The following VSIG10 variants were observed in gnomAD, a reference collection of about 807,000 sequenced individuals.
The protein encoded by VSIG10 is V-set and immunoglobulin domain containing 10.
In VSIG10, 48 loss-of-function variants were observed where a neutral mutation model predicts 58.7. That is an observed-to-expected ratio of 0.82 (90% CI 0.65 to 1.04). VSIG10 has a LOEUF of 1.04. VSIG10 is among the 50% of genes least tolerant of loss of function. The probability of loss-of-function intolerance (pLI) is 0.00; values close to 1 mark genes in which losing one functional copy is unlikely to be tolerated. For missense variants in VSIG10, 628 were observed against 670.0 expected (o/e 0.94, Z 0.69); for synonymous variants, 260 against 267.1 (o/e 0.97, Z 0.26).
intron 2 of VSIG10, among the ~76,000 whole-genome samples, chr12:118,091,006 A>C (rs1031596558): frequency 6.6e-6 from 1 of 152,056 alleles, no homozygotes; most frequent in Admixed American, 6.6e-5. Context: ...TTGGTGGCAC[A>C]CATCTGTAAT....
chr12:118,079,419 A>T lies in VSIG10; in HGVS notation c.852T>A (p.Asp284Glu), dbSNP rs368571027. 101 of 1,613,856 alleles carry T rather than the reference A, an allele frequency of 6.3e-5. No homozygotes were observed. Among genetic ancestry groups the T allele is most frequent in the Non-Finnish European group, 8.2e-5 (97 of 1,179,878 alleles). ...TTGTAACACACTTGAACTTCTTGCC[A>T]TCCGACAGCTGGGACTCGCTCAGCA... is the stretch of plus-strand genomic sequence containing the variant. The part of the protein sequence containing the change: ...VEMLSESQLS[D>E]GKKFKCVTSH... Residue 284 changes from aspartate (D) to glutamate (E), a missense_variant, in exon 4 of 9, where the codon GAT becomes GAA. Physicochemically the swap from Asp to Glu is conservative, Grantham distance 45 (BLOSUM62 2). Coordinates refer to ENST00000359236, the MANE Select transcript of VSIG10 (RefSeq NM_019086.6).
At chr12:118,081,074 C>T (rs1044552634) in intron 3 of VSIG10, among the ~76,000 whole-genome samples, 3 of 151,838 alleles carry the variant, frequency 2.0e-5, no homozygotes, top group African/African-American at 7.3e-5. Context: ...GACCCTGTCT[C>T]TACTAAAAAT....
intron 1 of VSIG10, among the ~76,000 whole-genome samples, chr12:118,096,720 CAT>C (rs2033471194): frequency 6.6e-6 from 1 of 151,162 alleles, no homozygotes; most frequent in African/African-American, 2.4e-5. Context: ...CGTGCCTGAC[CAT>C]ATGTGTTCTT....
At chr12:118,101,919 G>A (rs2137967933) in intron 1 of VSIG10, 1 of 152,306 alleles carries the variant, frequency 6.6e-6, no homozygotes, top group African/African-American at 2.4e-5. Context: ...GGATCGCTTG[G>A]GTCCAGGAGT....
intron 2 of VSIG10, among the ~76,000 whole-genome samples, chr12:118,087,362 G>A (rs2033157252): frequency 6.6e-6 from 1 of 151,922 alleles, no homozygotes; most frequent in African/African-American, 2.4e-5. Context: ...GACAAGCAGA[G>A]GACCAAGGGG....
chr12:118,100,025 A>C (rs528246492), intron 1 of VSIG10, among the ~76,000 whole-genome samples: 2 of 152,362 alleles, frequency 1.3e-5, no homozygotes, highest in African/African-American at 4.8e-5. Flanking sequence ...AATGCCATCT[A>C]ATGACAGAGA....
intron 1 of VSIG10, among the ~76,000 whole-genome samples, chr12:118,101,256 C>T (rs935650419): frequency 2.0e-5 from 3 of 152,114 alleles, no homozygotes; most frequent in East Asian, 1.9e-4. Context: ...ACACAGTCAT[C>T]GATTTAGTGA....
chr12:118,095,588 G>A lies in VSIG10; in HGVS notation c.306C>T (p.Thr102=). 1 of 1,613,944 alleles carries A rather than the reference G, an allele frequency of 6.2e-7. No individual in the cohort carries two copies. The highest frequency in any genetic ancestry group is 1.1e-5 in the South Asian group (1 of 91,086). Reference sequence around the variant, plus strand: ...GAGTCACATTCAGGATCTCCTGGCAGGTGTAGATTCCCTCATCTCCCAGGC... The same window carrying A: ...GAGTCACATTCAGGATCTCCTGGCAAGTGTAGATTCCCTCATCTCCCAGGC... ...SLSLGDEGIY[T]CQEILNVTQW... The change falls in exon 2 of 9, where the codon ACC becomes ACT. Residue 102 remains threonine, a synonymous_variant. Transcript: ENST00000359236.
At chr12:118,080,532 C>T (rs1368484370) in intron 3 of VSIG10, among the ~76,000 whole-genome samples, 2 of 152,126 alleles carry the variant, frequency 1.3e-5, no homozygotes, top group Admixed American at 1.3e-4. Context: ...TGTTTCCCCA[C>T]TCCTGAGATA....
At position 118,082,209 on chromosome 12, in the gene VSIG10, G is replaced by T. The variant is rs368243582; in HGVS notation, c.582C>A (p.Asn194Lys). The stretch of plus-strand genomic sequence containing the variant: ...CTAAACAGGTGTAGTTCCCTTGGAG[G>T]TTTGGCGATATCAGTAACAGTGAGA... ...NFFSLLLISP[N>K]LQGNYTCLAL... The change falls in exon 3 of 9, where the codon AAC becomes AAA. Residue 194 changes from asparagine to lysine, a missense_variant. Transcript: ENST00000359236. 1 of 1,613,914 alleles carries T rather than the reference G, an allele frequency of 6.2e-7. No individual in the cohort carries two copies. The highest frequency in any genetic ancestry group is 8.5e-7 in the Non-Finnish European group (1 of 1,179,878).
chr12:118,091,348 C>T (rs181023629), intron 2 of VSIG10, among the ~76,000 whole-genome samples: 7 of 151,984 alleles, frequency 4.6e-5, no homozygotes, highest in Admixed American at 2.0e-4. Flanking sequence ...AAAAATTAGC[C>T]GGGTGAGGTG....
At position 118,095,539 on chromosome 12, in the gene VSIG10, C is replaced by T. The variant is rs138372496; in HGVS notation, c.355G>A (p.Val119Met). Residue 119 changes from valine to methionine, a missense_variant, in exon 2 of 9, where the codon GTG (valine) becomes ATG (methionine). Coordinates refer to ENST00000359236, the MANE Select transcript of VSIG10 (RefSeq NM_019086.6). ...CCCTGCCAGCCCCACTTACTGGCCACCTGCAGCCACACTTGGAACCACTGA... is the reference window on the plus strand; with the variant it reads ...CCCTGCCAGCCCCACTTACTGGCCATCTGCAGCCACACTTGGAACCACTGA... ...VTQWFQVWLQ[V>M]ASGPYQIEVH... 2.4e-3 allele frequency: 3,812 copies of T among 1,613,822 alleles called. 5 individuals are homozygous for T. The highest frequency in any genetic ancestry group is 3.0e-3 in the Non-Finnish European group (3,511 of 1,179,790).
At chr12:118,088,893 C>T (rs2033211156) in intron 2 of VSIG10, among the ~76,000 whole-genome samples, 1 of 152,078 alleles carries the variant, frequency 6.6e-6, no homozygotes, top group African/African-American at 2.4e-5. Flanking sequence ...ACAGGACTTC[C>T]CTGGAGGGAG....
At chr12:118,085,840 G>A (rs1053734328) in intron 2 of VSIG10, among the ~76,000 whole-genome samples, 24 of 141,618 alleles carry the variant, frequency 1.7e-4, no homozygotes, top group Non-Finnish European at 7.6e-5. Context: ...GCAACAGAGC[G>A]AGACTTCGTC....
intron 4 of VSIG10, among the ~76,000 whole-genome samples, chr12:118,078,284 G>A (rs927872567): frequency 9.2e-5 from 14 of 151,938 alleles, no homozygotes; most frequent in South Asian, 4.2e-4. Context: ...TCAGCCTCCC[G>A]AGTAGCTGGG....
chr12:118,071,577 T>TG, intron 5 of VSIG10, 108 bp from the exon 6 acceptor site: 1 of 996,100 alleles, frequency 1.0e-6, no homozygotes, highest in Non-Finnish European at 1.6e-6. Flanking sequence ...TTCCTGACCT[T>TG]GGGTAAGGCT....
chr12:118,066,770 TCA>T, intron 8 of VSIG10, 76 bp from the exon 9 acceptor site: 1 of 1,443,564 alleles, frequency 6.9e-7, no homozygotes, highest in Non-Finnish European at 9.4e-7. Flanking sequence ...ATCAATCATC[TCA>T]GTGATTTCTA....
At chr12:118,095,064 C>T (rs1375417420) in intron 2 of VSIG10, among the ~76,000 whole-genome samples, 1 of 152,198 alleles carries the variant, frequency 6.6e-6, no homozygotes, top group Non-Finnish European at 1.5e-5. Context: ...CCACCACGCT[C>T]AGCTAATTTT....
At position 118,071,376 on chromosome 12, in the gene VSIG10, G is replaced by T. The variant is rs1228147196; in HGVS notation, c.1313C>A (p.Pro438His). 6.2e-6 allele frequency: 10 copies of T among 1,613,718 alleles called. No individual in the cohort carries two copies. The highest frequency in any genetic ancestry group is 8.5e-6 in the Non-Finnish European group (10 of 1,179,824). The change falls in exon 6 of 9, where the codon CCT (proline) becomes CAT (histidine). Residue 438 changes from proline to histidine, a missense_variant. Coordinates refer to ENST00000359236, the MANE Select transcript of VSIG10 (RefSeq NM_019086.6). ...GTCCTTACCTTTCCAGCAGAACACAGGGCTATAATGCAACAGAAGCCCTGA... is the reference window on the plus strand; with the variant it reads ...GTCCTTACCTTTCCAGCAGAACACATGGCTATAATGCAACAGAAGCCCTGA... ...IISGLLLHYS[P>H]VFCWKVGNTS... is the part of the protein sequence containing the mutation.
Sources: allele counts gnomAD v4.1 joint callset (sites outside exome capture counted in the v4.1 genomes callset), GRCh38; gene constraint gnomAD v4.1.1; transcripts MANE v1.5; gene names NCBI Gene and HGNC (gene_info 2026-07-23, HGNC 2026-07-21).